NF1: variants seen among roughly 807,000 people sequenced by gnomAD.
NF1 encodes the protein neurofibromin.
A neutral mutation model predicts 325.7 loss-of-function variants in NF1; 122 were observed. That is an observed-to-expected ratio of 0.37 (90% confidence interval 0.32 to 0.44). NF1 has a LOEUF of 0.44. Among genes scored for constraint, NF1 ranks in the 20% least tolerant of loss-of-function variants. The probability of loss-of-function intolerance (pLI) is 1.00; values close to 1 mark genes in which losing one functional copy is unlikely to be tolerated. For synonymous variants in NF1, 1,091 were observed against 1,186.0 expected (o/e 0.92, Z 1.65); for missense variants, 2,140 against 3,415.4 (o/e 0.63, Z 9.31).
rs1477501647 is a variant in NF1, at chr17:31,336,096, A to T, written c.6007-237A>T. 6.6e-6 allele frequency among the ~76,000 whole-genome samples: 1 copy of T among 152,146 alleles called. No individual in the cohort carries two copies. The highest frequency in any genetic ancestry group is 1.5e-5 in the Non-Finnish European group (1 of 68,022). Reference sequence around the variant, plus strand: ...AAGATAGTATTGATAGAGATTTAAAATTTTTGAATACCAATCTCTTAATCT... The same window carrying T: ...AAGATAGTATTGATAGAGATTTAAATTTTTTGAATACCAATCTCTTAATCT... On this transcript the variant is annotated intron_variant, in intron 40 of 57. Transcript: ENST00000358273. This position sits in a 1 kb window ranked among gnomAD's most constrained non-coding sequence, Gnocchi z 5.5.
intron 12 of NF1, among the ~76,000 whole-genome samples, chr17:31,210,266 T>G (rs2066705129): frequency 6.6e-6 from 1 of 152,172 alleles, no homozygotes; most frequent in South Asian, 2.1e-4. Flanking sequence ...AAGGAATGAA[T>G]TTCTTACTTG....
chr17:31,365,484 T>C, intron 57 of NF1, among the ~76,000 whole-genome samples: 1 of 152,180 alleles, frequency 6.6e-6, no homozygotes, highest in East Asian at 1.9e-4. Context: ...ACCAGAGACT[T>C]GACGGTTTTT....
chr17:31,104,120 T>G lies in NF1; in HGVS notation c.60+8751T>G, dbSNP rs577335805. Among the ~76,000 whole-genome samples the G allele has an allele frequency of 2.6e-5, 4 of 152,330 alleles. No homozygotes were observed. In the South Asian group the frequency reaches 8.3e-4, roughly 32 times the overall value. Reference sequence around the variant, plus strand: ...AACATTTTGTCCTTAAACAAAAGTTTAAGTCATATAATACAGTAGTAAGAA... The same window carrying G: ...AACATTTTGTCCTTAAACAAAAGTTGAAGTCATATAATACAGTAGTAAGAA... On this transcript the variant is annotated intron_variant, in intron 1 of 57. Coordinates refer to ENST00000358273, the MANE Select transcript of NF1 (RefSeq NM_001042492.3).
chr17:31,312,512 C>T (rs376086574), intron 36 of NF1, among the ~76,000 whole-genome samples: 2 of 145,936 alleles, frequency 1.4e-5, no homozygotes, highest in East Asian at 4.0e-4. Flanking sequence ...GAGGGAGACT[C>T]CATCTCAAAA....
intron 36 of NF1, among the ~76,000 whole-genome samples, chr17:31,285,519 A>T (rs2068208860): frequency 6.6e-6 from 1 of 152,144 alleles, no homozygotes. Context: ...AGCAAGACAA[A>T]ATGTCACGTT....
intron 16 of NF1, 88 bp downstream of exon 16, chr17:31,223,655 G>T: frequency 7.5e-7 from 1 of 1,327,878 alleles, no homozygotes. Context: ...GCCAAATTAG[G>T]TTCTATTTCA....
intron 8 of NF1, among the ~76,000 whole-genome samples, chr17:31,189,910 C>T (rs937499048): frequency 2.6e-5 from 4 of 151,262 alleles, no homozygotes; most frequent in Middle Eastern, 3.4e-3. Context: ...TACAGGCATG[C>T]GCCACCACGC....
chr17:31,334,808 A>G (rs1192778710), intron 39 of NF1, 30 bp from the exon 40 acceptor site: 22 of 1,538,344 alleles, frequency 1.4e-5, no homozygotes, highest in African/African-American at 2.7e-5. Flanking sequence ...TTCATTGACC[A>G]TCACATGCTA....
chr17:31,155,436 T>C (rs1426290408), intron 1 of NF1, among the ~76,000 whole-genome samples: 1 of 152,188 alleles, frequency 6.6e-6, no homozygotes, highest in Non-Finnish European at 1.5e-5. Flanking sequence ...TCTTACTGTT[T>C]TTTCCCCAGG....
intron 36 of NF1, among the ~76,000 whole-genome samples, chr17:31,278,427 T>C (rs145298737): frequency 0.54 from 66,672 of 124,120 alleles, 20,042 homozygotes; most frequent in Middle Eastern, 0.78. Flanking sequence ...TTTTTTTTTT[T>C]TTGAAAAGAA....
chr17:31,317,323 T>G (rs2069045424), intron 36 of NF1, among the ~76,000 whole-genome samples: 1 of 151,068 alleles, frequency 6.6e-6, no homozygotes. Flanking sequence ...GCCAGTTTCT[T>G]TAAAGGTTAA....
intron 1 of NF1, among the ~76,000 whole-genome samples, chr17:31,145,201 C>T (rs572542344): frequency 6.6e-6 from 1 of 152,230 alleles, no homozygotes; most frequent in East Asian, 1.9e-4. Context: ...CTCATTCATT[C>T]ATTCATTTTG....
intron 27 of NF1, among the ~76,000 whole-genome samples, 154 bp downstream of exon 27, chr17:31,233,367 G>A (rs1019507554): frequency 9.2e-5 from 14 of 152,230 alleles, no homozygotes; most frequent in African/African-American, 3.1e-4. Context: ...CTGTAGGGAA[G>A]TGGTTGGCAC....
At chr17:31,367,338 G>A in intron 57 of NF1, 4 of 1,128,912 alleles carry the variant, frequency 3.5e-6, no homozygotes, top group Non-Finnish European at 4.8e-6. Flanking sequence ...CTCATCCTGG[G>A]CACATAGCAT....
chr17:31,114,670 A>T (rs1018478399), intron 1 of NF1, among the ~76,000 whole-genome samples: 1 of 151,720 alleles, frequency 6.6e-6, no homozygotes, highest in African/African-American at 2.4e-5. Flanking sequence ...CCTGGCCAAC[A>T]TAGTAAAACC....
intron 1 of NF1, among the ~76,000 whole-genome samples, chr17:31,131,419 C>T (rs571215786): frequency 7.9e-5 from 12 of 152,264 alleles, no homozygotes; most frequent in African/African-American, 2.4e-4. Context: ...GAAAAAGTCC[C>T]GGTGCGTGGT....
chr17:31,203,637 A>G (rs1416874000), intron 11 of NF1, among the ~76,000 whole-genome samples: 4 of 152,168 alleles, frequency 2.6e-5, no homozygotes, highest in African/African-American at 9.6e-5. Flanking sequence ...TTTGTCTTGA[A>G]AAATCACATG....
Position 31,319,824 on chromosome 17 carries a change from C to A in NF1, c.4836-5996C>A, listed in dbSNP as rs376377962. Among the ~76,000 whole-genome samples the A allele has an allele frequency of 3.3e-5, 5 of 149,276 alleles. No individual in the cohort carries two copies. In the East Asian group the frequency reaches 9.8e-4, roughly 29 times the overall value. Reference sequence around the variant, plus strand: ...AGTTCAACAAAAGTTGCTGGGTTTTCTTTTAAAGCATCATTTATACCTAGC... The same window carrying A: ...AGTTCAACAAAAGTTGCTGGGTTTTATTTTAAAGCATCATTTATACCTAGC... On this transcript the variant is annotated intron_variant, in intron 36 of 57. Coordinates refer to ENST00000358273, the MANE Select transcript of NF1 (RefSeq NM_001042492.3).
rs547313214 is a variant in NF1 at position 31,126,033 on chromosome 17, A to C, written c.61-29950A>C. 7.9e-5 allele frequency among the ~76,000 whole-genome samples: 12 copies of C among 152,274 alleles called. No individual in the cohort carries two copies. In the South Asian group the frequency reaches 2.5e-3, roughly 32 times the overall value. On this transcript the variant is annotated intron_variant, in intron 1 of 57. Coordinates refer to ENST00000358273, the MANE Select transcript of NF1 (RefSeq NM_001042492.3). Reference sequence around the variant, plus strand: ...AACCCGGTCTCTACTAAAAAATACAAAAAAATTAGCTGGACGTTGTGGCAT... The same window carrying C: ...AACCCGGTCTCTACTAAAAAATACACAAAAATTAGCTGGACGTTGTGGCAT...
Sources: gnomAD v4.1 joint callset for allele counts (sites outside exome capture counted in the v4.1 genomes callset) on GRCh38, gnomAD v4.1.1 for gene constraint, Gnocchi (gnomAD v3.1) non-coding constraint, MANE v1.5 for transcripts, NCBI Gene and HGNC (gene_info 2026-07-23, HGNC 2026-07-21) for gene names.